TMEM108: variants seen among roughly 807,000 people sequenced by gnomAD.
TMEM108 encodes cancer/testis antigen 124.
Under a neutral mutation model 35.1 loss-of-function variants are expected in TMEM108, and 12 were observed. The ratio of observed to expected loss-of-function variants is 0.34; its 90% CI spans 0.22 to 0.55. The LOEUF (loss-of-function observed/expected upper bound fraction) is 0.55, where lower values mean the gene tolerates loss of function less well. TMEM108 is among the 20% of genes least tolerant of loss of function. TMEM108 has a pLI of 0.89. For missense variants in TMEM108, 680 were observed against 753.3 expected, an observed-to-expected ratio of 0.90 and a Z score of 1.14; for synonymous variants, 287 against 308.6, an observed-to-expected ratio of 0.93 and a Z score of 0.73.
chr3:133,160,210 C>T (rs916687980), intron 2 of TMEM108, among the ~76,000 whole-genome samples: 2 of 152,198 alleles, frequency 1.3e-5, no homozygotes, highest in African/African-American at 4.8e-5. Flanking sequence ...TTAAAGTCCC[C>T]AGAGCTGGTT....
chr3:133,305,888 G>A (rs1035958680), intron 3 of TMEM108, among the ~76,000 whole-genome samples: 35 of 151,694 alleles, frequency 2.3e-4, no homozygotes, highest in Admixed American at 2.6e-4. Context: ...GTCTTCTTTC[G>A]CGACATGTCT....
intron 2 of TMEM108, among the ~76,000 whole-genome samples, chr3:133,227,076 T>C (rs1244915553): frequency 6.6e-6 from 1 of 152,104 alleles, no homozygotes; most frequent in Non-Finnish European, 1.5e-5. Flanking sequence ...CACCAGGTCC[T>C]TCCCACAACA....
intron 2 of TMEM108, among the ~76,000 whole-genome samples, chr3:133,066,640 T>C (rs1365307593): frequency 6.6e-6 from 1 of 152,206 alleles, no homozygotes; most frequent in Non-Finnish European, 1.5e-5. Flanking sequence ...TATAGTTTAC[T>C]CAGTGTTTGT....
chr3:133,066,324 A>T (rs1238958402), intron 2 of TMEM108, among the ~76,000 whole-genome samples: 1 of 152,150 alleles, frequency 6.6e-6, no homozygotes, highest in Non-Finnish European at 1.5e-5. Context: ...GTTATTTATA[A>T]TGTACATCTC....
intron 3 of TMEM108, among the ~76,000 whole-genome samples, chr3:133,261,145 G>T (rs1025243318): frequency 3.3e-5 from 5 of 152,136 alleles, no homozygotes; most frequent in African/African-American, 1.2e-4. Flanking sequence ...CTCTGGAAGT[G>T]GTACCTGTTT....
intron 2 of TMEM108, among the ~76,000 whole-genome samples, chr3:133,089,700 G>T (rs574807840): frequency 6.6e-6 from 1 of 152,332 alleles, no homozygotes; most frequent in African/African-American, 2.4e-5. Flanking sequence ...CAGGCTGCAT[G>T]GTTCAGAGGT....
At chr3:133,362,967 C>T (rs889438463) in intron 3 of TMEM108, among the ~76,000 whole-genome samples, 1 of 152,136 alleles carries the variant, frequency 6.6e-6, no homozygotes, top group African/African-American at 2.4e-5. Context: ...CCCAGCCGGG[C>T]CAGAGGGTGT....
intron 3 of TMEM108, among the ~76,000 whole-genome samples, chr3:133,313,276 C>A (rs1479121982): frequency 1.3e-5 from 2 of 151,878 alleles, no homozygotes; most frequent in East Asian, 1.9e-4. Flanking sequence ...CAGCTCACTG[C>A]AAGCTCCGCC....
chr3:133,063,797 A>G (rs1943563465), intron 2 of TMEM108, among the ~76,000 whole-genome samples: 1 of 152,086 alleles, frequency 6.6e-6, no homozygotes, highest in Non-Finnish European at 1.5e-5. Flanking sequence ...GTGGTCTTAT[A>G]CAGAGCACAT....
chr3:133,072,196 G>C (rs1358563755), intron 2 of TMEM108, among the ~76,000 whole-genome samples: 2 of 152,012 alleles, frequency 1.3e-5, no homozygotes, highest in Non-Finnish European at 2.9e-5. Flanking sequence ...GATGACATTT[G>C]GGAAAGAGAT....
chr3:133,285,925 G>A (rs564574392), intron 3 of TMEM108, among the ~76,000 whole-genome samples: 1 of 152,286 alleles, frequency 6.6e-6, no homozygotes, highest in Non-Finnish European at 1.5e-5. Flanking sequence ...ATTGCTATGT[G>A]TTTGAGGTGG....
At chr3:133,283,701 T>C (rs754011151) in intron 3 of TMEM108, among the ~76,000 whole-genome samples, 20 of 152,246 alleles carry the variant, frequency 1.3e-4, no homozygotes, top group Non-Finnish European at 2.2e-4. Context: ...TCAGCAATTA[T>C]AGTACTGTGT....
chr3:133,083,445 A>G (rs928609669), intron 2 of TMEM108, among the ~76,000 whole-genome samples: 6 of 152,062 alleles, frequency 3.9e-5, no homozygotes, highest in African/African-American at 1.4e-4. Context: ...TCTCCTTTTT[A>G]GATGTTTTTG....
At chr3:133,391,354 G>A (rs1398207383) in intron 5 of TMEM108, among the ~76,000 whole-genome samples, 1 of 152,200 alleles carries the variant, frequency 6.6e-6, no homozygotes, top group Non-Finnish European at 1.5e-5. Flanking sequence ...GAGTAAGGCA[G>A]TGAGAGCTGA....
At chr3:133,395,788 T>C (rs2073296921) in intron 5 of TMEM108, 76 bp from the exon 6 acceptor site, 3 of 1,400,204 alleles carry the variant, frequency 2.1e-6, no homozygotes, top group Admixed American at 2.6e-5. Flanking sequence ...AATGTTCCCA[T>C]GTGTACATTT....
intron 2 of TMEM108, among the ~76,000 whole-genome samples, chr3:133,187,883 C>CAA (rs34894272): frequency 0.024 from 3,075 of 127,258 alleles, 159 homozygotes; most frequent in African/African-American, 0.077. Flanking sequence ...ACGGTTGCTG[C>CAA]AAAAAAAAAA....
chr3:133,069,772 T>C (rs1943654841), intron 2 of TMEM108, among the ~76,000 whole-genome samples: 1 of 152,204 alleles, frequency 6.6e-6, no homozygotes, highest in Admixed American at 6.6e-5. Flanking sequence ...CCAGGCTTTG[T>C]CTGTCTGTTT....
chr3:133,064,958 A>C (rs78133365), intron 2 of TMEM108, among the ~76,000 whole-genome samples: 3,349 of 152,272 alleles, frequency 0.022, 131 homozygotes, highest in African/African-American at 0.076. Flanking sequence ...AGTCATGATC[A>C]TCAGTCCTTT....
At chr3:133,217,845 C>CA (rs1171896783) in intron 2 of TMEM108, among the ~76,000 whole-genome samples, 1 of 151,952 alleles carries the variant, frequency 6.6e-6, no homozygotes, top group African/African-American at 2.4e-5. Flanking sequence ...ATTTTGAAGT[C>CA]AGGTAGTGTG....
Sources: gnomAD v4.1 joint callset for allele counts (sites outside exome capture counted in the v4.1 genomes callset) on GRCh38, gnomAD v4.1.1 for gene constraint, MANE v1.5 for transcripts, NCBI Gene and HGNC (gene_info 2026-07-23, HGNC 2026-07-21) for gene names.